Variants in UVRAG observed in about 807,000 individuals in gnomAD.
The protein encoded by UVRAG is UV radiation resistance associated, also known as UV radiation resistance-associated gene protein.
UVRAG carries 19 observed loss-of-function variants against 78.0 expected under a neutral mutation model. The ratio of observed to expected loss-of-function variants is 0.24; its 90% confidence interval spans 0.17 to 0.36. The LOEUF is 0.36. Ranked by LOEUF, UVRAG falls within the 10% of genes least tolerant of loss-of-function variation. UVRAG has a pLI of 1.00. For synonymous variants in UVRAG, 323 were observed against 324.6 expected, an observed-to-expected ratio of 1.00 and a Z score of 0.05; for missense variants, 740 against 853.8, an observed-to-expected ratio of 0.87 and a Z score of 1.66.
chr11:75,896,239 G>C (rs1244485350), intron 5 of UVRAG, among the ~76,000 whole-genome samples: 1 of 152,162 alleles, frequency 6.6e-6, no homozygotes, highest in African/African-American at 2.4e-5. Context: ...GACCTTTAGA[G>C]ATTTCTACAG....
chr11:75,963,068 C>T (rs1948938655), intron 7 of UVRAG, among the ~76,000 whole-genome samples: 1 of 152,110 alleles, frequency 6.6e-6, no homozygotes, highest in Admixed American at 6.5e-5. Flanking sequence ...CCTAATAACC[C>T]CATTCAAAAC....
intron 5 of UVRAG, among the ~76,000 whole-genome samples, chr11:75,893,536 T>G (rs1473655339): frequency 2.6e-5 from 4 of 151,992 alleles, no homozygotes; most frequent in East Asian, 1.9e-4. Flanking sequence ...AGACTTCTCA[T>G]CAGCAGCAGT....
chr11:75,879,537 C>A (rs1946891335), intron 3 of UVRAG, among the ~76,000 whole-genome samples: 1 of 152,152 alleles, frequency 6.6e-6, no homozygotes, highest in Non-Finnish European at 1.5e-5. Flanking sequence ...TTGAATCCAA[C>A]AGTAAGTTGG....
chr11:76,053,334 CACACACACAA>C (rs1324160349), intron 12 of UVRAG, among the ~76,000 whole-genome samples: 18 of 151,594 alleles, frequency 1.2e-4, no homozygotes, highest in African/African-American at 3.9e-4. Flanking sequence ...CACACACACA[CACACACACAA>C]AAATAAATAT....
At chr11:75,892,739 A>G (rs1294203160) in intron 5 of UVRAG, among the ~76,000 whole-genome samples, 1 of 152,182 alleles carries the variant, frequency 6.6e-6, no homozygotes, top group Admixed American at 6.5e-5. Flanking sequence ...AACACCTGAC[A>G]TGTAGACTGA....
intron 5 of UVRAG, among the ~76,000 whole-genome samples, chr11:75,893,185 A>AG (rs1947258120): frequency 6.6e-6 from 1 of 152,028 alleles, no homozygotes. Flanking sequence ...TCAAAAAAAA[A>AG]AAGAAAAAAA....
At position 75,945,594 on chromosome 11, in the gene UVRAG, A is replaced by G. The variant is rs115721860; in HGVS notation, c.594-15850A>G. On this transcript the variant is annotated intron_variant, in intron 6 of 14. Coordinates refer to ENST00000356136, the MANE Select transcript of UVRAG (RefSeq NM_003369.4). ...TCTTTTTGCATTGCAGCCTACATAC[A>G]TGACATCTCGTGGTCAGGCCTCCAA... 9.6e-3 allele frequency among the ~76,000 whole-genome samples: 1,465 copies of G among 152,038 alleles called. 15 individuals are homozygous for G. Among genetic ancestry groups the G allele is most frequent in the African/African-American group, 0.033 (1,383 of 41,492 alleles).
At chr11:75,855,890 A>G (rs1330835663) in intron 2 of UVRAG, among the ~76,000 whole-genome samples, 1 of 152,254 alleles carries the variant, frequency 6.6e-6, no homozygotes, top group Non-Finnish European at 1.5e-5. Flanking sequence ...ACTTATTTCC[A>G]ATCAAATACT....
At chr11:75,856,171 A>G (rs1946285545) in intron 2 of UVRAG, among the ~76,000 whole-genome samples, 1 of 151,146 alleles carries the variant, frequency 6.6e-6, no homozygotes, top group Non-Finnish European at 1.5e-5. Context: ...TTGTATTTTT[A>G]GTAGAGACGG....
intron 8 of UVRAG, among the ~76,000 whole-genome samples, chr11:75,992,877 C>A (rs1024048538): frequency 3.3e-5 from 5 of 152,162 alleles, no homozygotes; most frequent in African/African-American, 1.2e-4. Flanking sequence ...TTTTCTCTTG[C>A]ATTTGCAGCT....
chr11:75,887,610 G>T (rs960852130), intron 4 of UVRAG, among the ~76,000 whole-genome samples: 4 of 152,004 alleles, frequency 2.6e-5, no homozygotes, highest in Admixed American at 2.6e-4. Flanking sequence ...ACCACGCCCA[G>T]CTAATTTTTT....
intron 7 of UVRAG, among the ~76,000 whole-genome samples, chr11:75,976,680 G>C (rs1298988242): frequency 6.6e-6 from 1 of 151,976 alleles, no homozygotes; most frequent in African/African-American, 2.4e-5. Flanking sequence ...ATTATCTGAT[G>C]GTAGTTTGTA....
intron 7 of UVRAG, among the ~76,000 whole-genome samples, chr11:75,970,694 C>T (rs1037589646): frequency 2.7e-5 from 4 of 146,450 alleles, no homozygotes; most frequent in Non-Finnish European, 5.9e-5. Flanking sequence ...GATTGTGCCA[C>T]TGCACTCCAG....
At chr11:76,094,658 T>C (rs1409369225) in intron 13 of UVRAG, among the ~76,000 whole-genome samples, 1 of 152,246 alleles carries the variant, frequency 6.6e-6, no homozygotes, top group African/African-American at 2.4e-5. Context: ...GAGGTGTTTA[T>C]AGTATTCTCT....
chr11:76,016,023 A>G (rs1160787262), intron 11 of UVRAG, among the ~76,000 whole-genome samples: 11 of 152,206 alleles, frequency 7.2e-5, no homozygotes, highest in Non-Finnish European at 1.2e-4. Context: ...TTTCTGTTGT[A>G]TTACTCCCTT....
Position 76,142,470 on chromosome 11 carries a change from A to G in UVRAG, c.*1057A>G, listed in dbSNP as rs1048019529. On this transcript the variant is annotated 3_prime_UTR_variant, in exon 15 of 15. Coordinates refer to ENST00000356136, the MANE Select transcript of UVRAG (RefSeq NM_003369.4). ...ATAGAATACTATTGGTATGTGTGCA[A>G]TTTCATGAATATTAAATTATGTTTC... 1.3e-5 allele frequency: 2 copies of G among 152,642 alleles called. No individual in the cohort carries two copies. Among genetic ancestry groups the G allele is most frequent in the African/African-American group, 4.8e-5 (2 of 41,458 alleles). The allele number at this position is 152,642 out of a possible 1,614,324, so 9.5% of individuals were successfully genotyped here.
chr11:76,044,753 T>C (rs1950714411), intron 12 of UVRAG, among the ~76,000 whole-genome samples: 1 of 151,956 alleles, frequency 6.6e-6, no homozygotes, highest in Non-Finnish European at 1.5e-5. Flanking sequence ...CAGCCTAGGC[T>C]ACGGAGCGAG....
chr11:76,113,821 T>G (rs563348712), intron 13 of UVRAG, among the ~76,000 whole-genome samples: 1 of 152,200 alleles, frequency 6.6e-6, no homozygotes, highest in African/African-American at 2.4e-5. Context: ...AGGGTCTCTT[T>G]AAGCTGTAAA....
chr11:75,920,217 G>A (rs796314625), intron 6 of UVRAG, among the ~76,000 whole-genome samples: 14 of 150,886 alleles, frequency 9.3e-5, no homozygotes, highest in African/African-American at 3.4e-4. Context: ...AGTAGAGACG[G>A]GGTTTCACCA....
Sources: allele counts gnomAD v4.1 joint callset (sites outside exome capture counted in the v4.1 genomes callset), GRCh38; gene constraint gnomAD v4.1.1; transcripts MANE v1.5; gene names NCBI Gene and HGNC (gene_info 2026-07-23, HGNC 2026-07-21).